Variants in CCDC194 observed in about 807,000 individuals in gnomAD.
CCDC194 encodes coiled-coil domain containing 194.
A neutral mutation model predicts 4.9 loss-of-function variants in CCDC194; 8 were observed. The observed-to-expected ratio is 1.65, with a 90% CI of 0.97 to 2.97. CCDC194 has a LOEUF of 2.97. Among genes scored for constraint, CCDC194 ranks in the 30% most tolerant of loss-of-function variants. The probability of loss-of-function intolerance (pLI) is 0.00; values close to 1 mark genes in which losing one functional copy is unlikely to be tolerated. For missense variants in CCDC194, 52 were observed against 43.1 expected, an observed-to-expected ratio of 1.21 and a Z score of -0.58; for synonymous variants, 13 against 17.0, an observed-to-expected ratio of 0.76 and a Z score of 0.58.
At chr19:17,390,472 C>T, downstream of CCDC194, 1 of 391,680 alleles carries the variant, frequency 2.6e-6, no homozygotes, top group Non-Finnish European at 4.5e-6. The surrounding 1 kb of genome is among the most constrained non-coding windows in gnomAD (Gnocchi z 5.5). Flanking sequence ...CCATATGTGT[C>T]CTCCAGGCCG....
chr19:17,391,571 G>A, intron 2 of CCDC194, 179 bp downstream of exon 2: 1 of 1,423,500 alleles, frequency 7.0e-7, no homozygotes, highest in Non-Finnish European at 9.4e-7. Flanking sequence ...TGTGGCATTT[G>A]CCTTGTTTTT....
intron 1 of CCDC194, among the ~76,000 whole-genome samples, chr19:17,393,376 CTTTTTTTTTT>C (rs551933814): frequency 1.4e-4 from 16 of 115,422 alleles, no homozygotes; most frequent in Admixed American, 5.2e-4. Flanking sequence ...GACAGTGAGA[CTTTTTTTTTT>C]TTTTTTTTTT....
chr19:17,391,256 T>C, exon 3 of CCDC194: 1 of 407,560 alleles, frequency 2.5e-6, no homozygotes, highest in Non-Finnish European at 4.3e-6. Flanking sequence ...GGCTTCGCCC[T>C]CGGCCTCCGC....
intron 1 of CCDC194, 125 bp from the exon 2 acceptor site, chr19:17,391,971 T>A: frequency 1.1e-6 from 1 of 906,722 alleles, no homozygotes; most frequent in Non-Finnish European, 1.6e-6. Flanking sequence ...GTGTGGAATG[T>A]CCTTTGGGGC....
chr19:17,392,117 C>T, intron 1 of CCDC194: 1 of 325,268 alleles, frequency 3.1e-6, no homozygotes, highest in Non-Finnish European at 5.6e-6. Flanking sequence ...GAGTGCTGAG[C>T]TCTGCGGTCA....
intron 1 of CCDC194, among the ~76,000 whole-genome samples, chr19:17,393,208 G>A (rs1330750997): frequency 2.0e-5 from 3 of 152,026 alleles, no homozygotes; most frequent in Non-Finnish European, 4.4e-5. Context: ...TCCCCCAAGA[G>A]GCCAACTTTA....
At chr19:17,388,193 C>CTTTT (rs71162117), downstream of CCDC194, among the ~76,000 whole-genome samples, 77 of 92,090 alleles carry the variant, frequency 8.4e-4, 1 homozygote, top group African/African-American at 3.0e-3. Context: ...TCTTTTTTTC[C>CTTTT]TTTTTTTTTT....
downstream of CCDC194, among the ~76,000 whole-genome samples, chr19:17,389,756 G>A (rs1258435506): frequency 1.3e-5 from 2 of 152,188 alleles, no homozygotes; most frequent in Non-Finnish European, 2.9e-5. Flanking sequence ...CCTAAGCTCA[G>A]GAGTTCGAGA....
downstream of CCDC194, among the ~76,000 whole-genome samples, chr19:17,387,847 G>T (rs952554571): frequency 6.6e-6 from 1 of 152,068 alleles, no homozygotes; most frequent in African/African-American, 2.4e-5. Flanking sequence ...TTCCACTGTG[G>T]ATGGACAGAC....
At chr19:17,392,006 G>T in intron 1 of CCDC194, 160 bp from the exon 2 acceptor site, 1 of 655,900 alleles carries the variant, frequency 1.5e-6, no homozygotes, top group Non-Finnish European at 2.4e-6. Context: ...ATACAGAAGT[G>T]GCTTCTGAAG....
At chr19:17,387,742 G>A (rs1429076007), downstream of CCDC194, among the ~76,000 whole-genome samples, 2 of 151,906 alleles carry the variant, frequency 1.3e-5, no homozygotes, top group Non-Finnish European at 2.9e-5. Flanking sequence ...AAGAAAGAAA[G>A]AAAGAAAGTA....
At chr19:17,391,336 C>T (rs1225624496) in exon 3 of CCDC194, 1 of 440,868 alleles carries the variant, frequency 2.3e-6, no homozygotes, top group Admixed American at 4.3e-5. Flanking sequence ...CCCAGCGCGC[C>T]AGGGCCTCTG....
intron 1 of CCDC194, among the ~76,000 whole-genome samples, chr19:17,393,047 G>A (rs1051134718): frequency 6.6e-6 from 1 of 152,184 alleles, no homozygotes; most frequent in African/African-American, 2.4e-5. Flanking sequence ...GGGGTGGAAT[G>A]GGGGGTGTGC....
downstream of CCDC194, among the ~76,000 whole-genome samples, chr19:17,388,104 T>C (rs960452399): frequency 6.6e-6 from 1 of 151,762 alleles, no homozygotes; most frequent in Non-Finnish European, 1.5e-5. Flanking sequence ...GCCAGGATGG[T>C]CTCGATCTCC....
downstream of CCDC194, among the ~76,000 whole-genome samples, chr19:17,388,515 T>A (rs2074643645): frequency 6.6e-6 from 1 of 151,984 alleles, no homozygotes; most frequent in South Asian, 2.1e-4. Flanking sequence ...TCCTCCCACC[T>A]CAGTCTCCGA....
At chr19:17,387,775 T>C (rs1487548442), downstream of CCDC194, among the ~76,000 whole-genome samples, 11 of 152,154 alleles carry the variant, frequency 7.2e-5, no homozygotes, top group Admixed American at 7.2e-4. Context: ...ATCTCCTGCT[T>C]TTCACATTAA....
chr19:17,391,857 G>C lies in CCDC194; in HGVS notation c.325-11C>G. ...GGTCTGAAGCCGGCTCTGAGGAGTGGAGGGGAAGTGGGAGGGGGTGTAGGC... is the reference window on the plus strand; with the variant it reads ...GGTCTGAAGCCGGCTCTGAGGAGTGCAGGGGAAGTGGGAGGGGGTGTAGGC... On this transcript the variant is annotated splice_polypyrimidine_tract_variant and intron_variant, in intron 1 of 3. Transcript: ENST00000636079. The C allele has an allele frequency of 6.6e-7, 1 of 1,504,186 alleles. No individual in the cohort carries two copies. Among genetic ancestry groups the C allele is most frequent in the Non-Finnish European group, 8.8e-7 (1 of 1,131,582 alleles). 93.2% of individuals were successfully genotyped at this position (1,504,186 alleles called of 1,614,324 possible). A position where few individuals can be genotyped will look rare whatever the true frequency, so the allele number is the denominator to read the frequency against.
chr19:17,387,270 T>G (rs1204640522), downstream of CCDC194, among the ~76,000 whole-genome samples: 1 of 152,142 alleles, frequency 6.6e-6, no homozygotes, highest in African/African-American at 2.4e-5. Context: ...AAAATGCAAT[T>G]TTTACAAAAG....
intron 2 of CCDC194, 156 bp from the exon 3 acceptor site, chr19:17,391,499 T>C (rs2074654660): frequency 6.3e-6 from 5 of 798,334 alleles, no homozygotes; most frequent in Non-Finnish European, 9.7e-6. Context: ...ACGTGCCATT[T>C]GCATAGCTTT....
Sources: gnomAD v4.1 joint callset for allele counts (sites outside exome capture counted in the v4.1 genomes callset) on GRCh38, gnomAD v4.1.1 for gene constraint, Gnocchi (gnomAD v3.1) non-coding constraint, MANE v1.5 for transcripts, NCBI Gene and HGNC (gene_info 2026-07-23, HGNC 2026-07-21) for gene names.